The following DSCAM variants were observed in gnomAD, a reference collection of about 807,000 sequenced individuals.
The protein encoded by DSCAM is cell adhesion molecule DSCAM.
In DSCAM, 47 loss-of-function variants were observed where a neutral mutation model predicts 217.7. That is an observed-to-expected ratio of 0.22 (90% CI 0.17 to 0.28). DSCAM has a LOEUF of 0.28. Among genes scored for constraint, DSCAM ranks in the 10% least tolerant of loss-of-function variants. DSCAM has a pLI of 1.00. For synonymous variants in DSCAM, 1,056 were observed against 1,015.3 expected (o/e 1.04, Z -0.76); for missense variants, 2,080 against 2,618.3 (o/e 0.79, Z 4.49).
intron 3 of DSCAM, among the ~76,000 whole-genome samples, chr21:40,662,219 A>C (rs1485018104): frequency 6.6e-6 from 1 of 152,104 alleles, no homozygotes; most frequent in Non-Finnish European, 1.5e-5. Context: ...ATATCTAAAG[A>C]AAGTTCACTG....
chr21:40,450,661 G>T (rs888674395), intron 3 of DSCAM, among the ~76,000 whole-genome samples: 7 of 152,180 alleles, frequency 4.6e-5, no homozygotes, highest in African/African-American at 1.7e-4. Context: ...TCATAGGCAT[G>T]AAGTTTATCT....
intron 3 of DSCAM, among the ~76,000 whole-genome samples, chr21:40,445,367 T>C (rs1409954473): frequency 1.3e-5 from 2 of 152,232 alleles, no homozygotes; most frequent in South Asian, 4.1e-4. Context: ...TCTGTTCTGT[T>C]GGAGACTGGT....
At chr21:40,267,774 T>A (rs555437377) in intron 11 of DSCAM, among the ~76,000 whole-genome samples, 60 of 152,198 alleles carry the variant, frequency 3.9e-4, no homozygotes, top group African/African-American at 1.4e-3. Flanking sequence ...CAGGTGCCTG[T>A]AAGTCCAGCT....
chr21:40,636,937 T>C (rs2089769024), intron 3 of DSCAM, among the ~76,000 whole-genome samples: 1 of 149,930 alleles, frequency 6.7e-6, no homozygotes, highest in Admixed American at 6.8e-5. Context: ...CAAGCCCAGC[T>C]TTGTCATCTC....
chr21:40,281,494 T>C (rs1452418379), intron 10 of DSCAM, among the ~76,000 whole-genome samples: 1 of 152,180 alleles, frequency 6.6e-6, no homozygotes. Context: ...AGGCAATCTG[T>C]ATGCTTAATT....
chr21:40,018,313 G>C (rs2088201329), intron 32 of DSCAM, among the ~76,000 whole-genome samples: 1 of 151,764 alleles, frequency 6.6e-6, no homozygotes, highest in African/African-American at 2.4e-5. Context: ...CTAAGAATCT[G>C]ATAAACAAAT....
At chr21:40,542,577 C>G (rs187604263) in intron 3 of DSCAM, among the ~76,000 whole-genome samples, 2 of 152,344 alleles carry the variant, frequency 1.3e-5, no homozygotes. Flanking sequence ...TTCAGCTCTG[C>G]TCTCTGCCAT....
chr21:40,580,706 C>T (rs464299), intron 3 of DSCAM, among the ~76,000 whole-genome samples: 38,992 of 152,008 alleles, frequency 0.26, 5,205 homozygotes, highest in Middle Eastern at 0.32. Flanking sequence ...ACAGGAAAGG[C>T]GGGTGGGCTG....
intron 3 of DSCAM, among the ~76,000 whole-genome samples, chr21:40,635,468 AAGAG>A (rs1327441193): frequency 3.3e-5 from 5 of 152,314 alleles, no homozygotes; most frequent in Non-Finnish European, 2.9e-5. Flanking sequence ...TTAAGAAAGA[AAGAG>A]AGAGGGAGGC....
intron 32 of DSCAM, among the ~76,000 whole-genome samples, chr21:40,039,953 C>T (rs554122964): frequency 6.6e-6 from 1 of 152,120 alleles, no homozygotes; most frequent in Non-Finnish European, 1.5e-5. Context: ...GTGAAGAGGG[C>T]ATATAGGGAA....
At chr21:40,482,045 C>A (rs1213787590) in intron 3 of DSCAM, among the ~76,000 whole-genome samples, 1 of 152,208 alleles carries the variant, frequency 6.6e-6, no homozygotes, top group African/African-American at 2.4e-5. Flanking sequence ...ACCATGGCAA[C>A]ACCACTCCGG....
Position 40,353,541 on chromosome 21 carries a change from C to T in DSCAM, c.858G>A (p.Ser286=), listed in dbSNP as rs375148161. The T allele has an allele frequency of 1.3e-5, 21 of 1,612,126 alleles. No homozygotes were observed. Among genetic ancestry groups the T allele is most frequent in the East Asian group, 4.5e-5 (2 of 44,786 alleles). Residue 286 remains serine (S), a synonymous_variant, in exon 5 of 33, where the codon TCG becomes TCA. Transcript: ENST00000400454. ...TGLLIENIRP[S]DSGSYVCEVS... ...CTTCACAAACATAGCTGCCTGAGTC[C>T]GAGGGGCGAATGTTCTCAATGAGCA...
In DSCAM at chr21:40,099,490, G is replaced by A. The variant is rs188181227; in HGVS notation, c.3697-5616C>T. Among the ~76,000 whole-genome samples, 363 of 152,306 alleles carry A rather than the reference G, an allele frequency of 2.4e-3. 6 individuals carry two copies. The highest frequency in any genetic ancestry group is 0.023 in the South Asian group (112 of 4,828). On this transcript the variant is annotated intron_variant, in intron 20 of 32. Transcript: ENST00000400454. ...TGTCACCACCCTTTGATGCCACTGTGTATTCCTCTGAGGACTGCCATAATT... is the reference window on the plus strand; with the variant it reads ...TGTCACCACCCTTTGATGCCACTGTATATTCCTCTGAGGACTGCCATAATT...
intron 3 of DSCAM, among the ~76,000 whole-genome samples, chr21:40,412,841 T>G (rs1006386347): frequency 6.6e-6 from 1 of 152,226 alleles, no homozygotes; most frequent in Non-Finnish European, 1.5e-5. Context: ...GAGACCTCTG[T>G]AGCCCCTCCC....
In DSCAM at chr21:40,488,038, G is replaced by C. The variant is rs117247375; in HGVS notation, c.509-118793C>G. The stretch of plus-strand genomic sequence containing the variant: ...GGTTCAGGAGATCCAGAGAGGGGTT[G>C]ATGTTTCTGTCTTTCTAACAGTTGA... On this transcript the variant is annotated intron_variant, in intron 3 of 32. Transcript: ENST00000400454. Among the ~76,000 whole-genome samples, 11 of 152,320 alleles carry C rather than the reference G, an allele frequency of 7.2e-5. No individual in the cohort carries two copies. In the East Asian group the frequency reaches 2.1e-3, roughly 29 times the overall value.
chr21:40,811,848 G>C (rs574171935), intron 1 of DSCAM, among the ~76,000 whole-genome samples: 1 of 152,294 alleles, frequency 6.6e-6, no homozygotes, highest in East Asian at 1.9e-4. Flanking sequence ...TATGGGATAG[G>C]CACCTGGGAC....
At chr21:40,364,449 G>A (rs1021109679) in intron 4 of DSCAM, among the ~76,000 whole-genome samples, 1 of 147,536 alleles carries the variant, frequency 6.8e-6, no homozygotes, top group South Asian at 2.2e-4. Flanking sequence ...AACACCGCAT[G>A]TTCTCACTCA....
intron 4 of DSCAM, among the ~76,000 whole-genome samples, chr21:40,355,025 C>G (rs564131616): frequency 6.6e-6 from 1 of 152,132 alleles, no homozygotes; most frequent in African/African-American, 2.4e-5. Context: ...GAGTTAGGGA[C>G]TAAAGGGAGA....
At chr21:40,410,446 T>G (rs56342251) in intron 3 of DSCAM, among the ~76,000 whole-genome samples, 1 of 151,372 alleles carries the variant, frequency 6.6e-6, no homozygotes, top group South Asian at 2.1e-4. Flanking sequence ...AAAGAAGAGA[T>G]AGAACAGAAA....
Sources: allele counts gnomAD v4.1 joint callset (sites outside exome capture counted in the v4.1 genomes callset), GRCh38; gene constraint gnomAD v4.1.1; transcripts MANE v1.5; gene names NCBI Gene and HGNC (gene_info 2026-07-23, HGNC 2026-07-21).